Variants in SLC14A2 observed in about 807,000 individuals in gnomAD.
SLC14A2 encodes solute carrier family 14 member 2, also known as urea transporter 2.
SLC14A2 carries 91 observed loss-of-function variants against 104.6 expected under a neutral mutation model. The observed-to-expected ratio is 0.87, with a 90% CI of 0.73 to 1.04. SLC14A2 has a LOEUF of 1.04. SLC14A2 is among the 50% of genes least tolerant of loss of function. The probability of loss-of-function intolerance (pLI) is 0.00; values close to 1 mark genes in which losing one functional copy is unlikely to be tolerated. For synonymous variants in SLC14A2, 476 were observed against 466.4 expected (o/e 1.02, Z -0.27); for missense variants, 1,189 against 1,156.0 (o/e 1.03, Z -0.41).
In SLC14A2 at chr18:45,669,585, A is replaced by C. The variant is rs1203300763; in HGVS notation, c.2229+87A>C. 3.7e-6 allele frequency: 4 copies of C among 1,090,980 alleles called. No individual in the cohort carries two copies. The Admixed American group carries it at 8.7e-5, about 24-fold the overall frequency. The allele number at this position is 1,090,980 out of a possible 1,614,324, so 67.6% of individuals were successfully genotyped here. A position where few individuals can be genotyped will look rare whatever the true frequency, so the allele number is the denominator to read the frequency against. On this transcript the variant is annotated intron_variant, in intron 16 of 19. Coordinates refer to ENST00000255226, the MANE Select transcript of SLC14A2 (RefSeq NM_007163.4). ...TATTTTGCACATCAGAAACATCCACAAGTAATAATTTTTAACAATTACACA... is the reference window on the plus strand; with the variant it reads ...TATTTTGCACATCAGAAACATCCACCAGTAATAATTTTTAACAATTACACA...
At chr18:45,342,315 G>T (rs1300498325) in intron 1 of SLC14A2, among the ~76,000 whole-genome samples, 1 of 152,196 alleles carries the variant, frequency 6.6e-6, no homozygotes, top group Non-Finnish European at 1.5e-5. Context: ...ATAAGGGCTT[G>T]AGCTGAGATA....
intron 2 of SLC14A2, among the ~76,000 whole-genome samples, chr18:45,586,577 C>G (rs2144374024): frequency 6.6e-6 from 1 of 152,300 alleles, no homozygotes; most frequent in East Asian, 1.9e-4. Context: ...GAATGGCAGG[C>G]CATTGTACCA....
intron 2 of SLC14A2, among the ~76,000 whole-genome samples, chr18:45,548,303 A>G (rs1186626046): frequency 6.6e-6 from 1 of 152,240 alleles, no homozygotes; most frequent in Non-Finnish European, 1.5e-5. Context: ...CCATTAGCAC[A>G]GGAAGAAGAC....
At chr18:45,379,231 A>G (rs1472524540) in intron 1 of SLC14A2, among the ~76,000 whole-genome samples, 2 of 152,244 alleles carry the variant, frequency 1.3e-5, no homozygotes, top group Non-Finnish European at 2.9e-5. Flanking sequence ...CTCAGGAATA[A>G]TAAGCTTACT....
chr18:45,358,501 A>C (rs1003937534), intron 1 of SLC14A2, among the ~76,000 whole-genome samples: 23 of 152,226 alleles, frequency 1.5e-4, no homozygotes, highest in African/African-American at 5.1e-4. Context: ...GAAAGACTCC[A>C]CAGAGTCCTA....
chr18:45,443,173 A>G (rs2542977), intron 1 of SLC14A2, among the ~76,000 whole-genome samples: 129,715 of 152,176 alleles, frequency 0.85, 55,320 homozygotes, highest in South Asian at 0.93. Context: ...GAAGGTTTAC[A>G]TTCTGAAGAT....
the SLC14A2 span, among the ~76,000 whole-genome samples, chr18:45,200,330 G>A: frequency 6.6e-6 from 1 of 152,098 alleles, no homozygotes; most frequent in Non-Finnish European, 1.5e-5. Context: ...TTCAACATGA[G>A]TCTCTTTGCC....
chr18:45,191,163 G>C, the SLC14A2 span, among the ~76,000 whole-genome samples: 2 of 152,020 alleles, frequency 1.3e-5, 1 homozygote, highest in South Asian at 4.2e-4. Flanking sequence ...TCTGACCCCA[G>C]TCCTCTCCCC....
At chr18:45,240,593 G>T (rs1457649184) in intron 1 of SLC14A2, among the ~76,000 whole-genome samples, 5 of 150,330 alleles carry the variant, frequency 3.3e-5, no homozygotes, top group African/African-American at 4.9e-5. Flanking sequence ...GCACAGAAAA[G>T]TTAAGCAATT....
At chr18:45,276,590 AT>A (rs1327382412) in intron 1 of SLC14A2, among the ~76,000 whole-genome samples, 1 of 152,222 alleles carries the variant, frequency 6.6e-6, no homozygotes, top group African/African-American at 2.4e-5. Context: ...ATGTGATTTA[AT>A]TTTTTTAAGT....
chr18:45,318,540 C>A (rs1257485695), intron 1 of SLC14A2, among the ~76,000 whole-genome samples: 3 of 152,148 alleles, frequency 2.0e-5, no homozygotes, highest in African/African-American at 7.2e-5. Context: ...GTAATCCCAG[C>A]ACTCTGGGAG....
At chr18:45,567,145 T>G (rs79106330) in intron 2 of SLC14A2, among the ~76,000 whole-genome samples, 2,192 of 148,406 alleles carry the variant, frequency 0.015, 58 homozygotes, top group African/African-American at 0.052. Flanking sequence ...TGACACAGAT[T>G]GAGGGGTACC....
chr18:45,336,141 T>G (rs2085336151), intron 1 of SLC14A2, among the ~76,000 whole-genome samples: 1 of 152,140 alleles, frequency 6.6e-6, no homozygotes, highest in African/African-American at 2.4e-5. Flanking sequence ...AATGGACCAA[T>G]TAATTAGAAA....
At chr18:45,200,572 G>C in the SLC14A2 span, among the ~76,000 whole-genome samples, 1 of 151,752 alleles carries the variant, frequency 6.6e-6, no homozygotes, top group South Asian at 2.1e-4. Flanking sequence ...TTTTTCATAT[G>C]CCATTTCTAC....
At chr18:45,539,248 C>G (rs1159885979) in intron 2 of SLC14A2, among the ~76,000 whole-genome samples, 2 of 151,628 alleles carry the variant, frequency 1.3e-5, no homozygotes, top group Non-Finnish European at 2.9e-5. Context: ...GAAAGTTGGG[C>G]AAGAATAAAA....
chr18:45,226,908 G>A (rs776666914), intron 1 of SLC14A2, among the ~76,000 whole-genome samples: 13 of 152,128 alleles, frequency 8.5e-5, no homozygotes, highest in African/African-American at 2.2e-4. Flanking sequence ...ATTAGAGTCC[G>A]GAGGTGGGCA....
intron 1 of SLC14A2, among the ~76,000 whole-genome samples, chr18:45,400,759 C>T (rs2086087155): frequency 6.6e-6 from 1 of 152,148 alleles, no homozygotes; most frequent in African/African-American, 2.4e-5. Context: ...GCTTTATTTT[C>T]TCCCCATGTT....
chr18:45,430,574 T>A (rs1323360900), intron 1 of SLC14A2, among the ~76,000 whole-genome samples: 3 of 150,810 alleles, frequency 2.0e-5, no homozygotes, highest in Non-Finnish European at 4.4e-5. Context: ...ATTTTATTAT[T>A]TTATTTTATT....
intron 2 of SLC14A2, among the ~76,000 whole-genome samples, chr18:45,521,701 A>G (rs1458437246): frequency 2.0e-4 from 30 of 152,040 alleles, no homozygotes; most frequent in Admixed American, 1.5e-3. Flanking sequence ...ATAAACCAGC[A>G]AGTCGCAAGA....
Sources: gnomAD v4.1 joint callset for allele counts (sites outside exome capture counted in the v4.1 genomes callset) on GRCh38, gnomAD v4.1.1 for gene constraint, MANE v1.5 for transcripts, NCBI Gene and HGNC (gene_info 2026-07-23, HGNC 2026-07-21) for gene names.